NUP205: variants seen among roughly 807,000 people sequenced by gnomAD.
The protein encoded by NUP205 is nucleoporin 205, also known as nuclear pore complex protein Nup205.
In NUP205, 76 loss-of-function variants were observed where a neutral mutation model predicts 253.8. The ratio of observed to expected loss-of-function variants is 0.30; its 90% CI spans 0.25 to 0.36. NUP205 has a LOEUF of 0.36. Ranked by LOEUF, NUP205 falls within the 10% of genes least tolerant of loss-of-function variation. NUP205 has a pLI of 1.00. For missense variants in NUP205, 2,162 were observed against 2,425.5 expected, an observed-to-expected ratio of 0.89 and a Z score of 2.28; for synonymous variants, 832 against 850.1, an observed-to-expected ratio of 0.98 and a Z score of 0.37.
intron 38 of NUP205, among the ~76,000 whole-genome samples, chr7:135,641,641 G>A (rs546313212): frequency 5.3e-5 from 8 of 150,884 alleles, no homozygotes; most frequent in Middle Eastern, 3.4e-3. Context: ...GTGTGGTGGC[G>A]TGCACCTTTA....
chr7:135,633,542 C>CA (rs1247220702), intron 35 of NUP205, among the ~76,000 whole-genome samples: 1 of 152,148 alleles, frequency 6.6e-6, no homozygotes, highest in Non-Finnish European at 1.5e-5. Context: ...TTACCTCTAG[C>CA]TATATATTTA....
chr7:135,623,407 A>G (rs1185317197), intron 31 of NUP205, among the ~76,000 whole-genome samples: 1 of 152,072 alleles, frequency 6.6e-6, no homozygotes, highest in African/African-American at 2.4e-5. Flanking sequence ...TTATTTATTC[A>G]TATGTTGTGT....
rs147068109 is a variant in NUP205 at position 135,648,563 on chromosome 7, G to A, written c.*7G>A. The A allele has an allele frequency of 1.5e-5, 23 of 1,531,250 alleles. No individual in the cohort carries two copies. The African/African-American group carries it at 2.1e-4, about 14-fold the overall frequency. The allele number at this position is 1,531,250 out of a possible 1,614,324, so 94.9% of individuals were successfully genotyped here. On this transcript the variant is annotated 3_prime_UTR_variant, in exon 43 of 43. Coordinates refer to ENST00000285968, the MANE Select transcript of NUP205 (RefSeq NM_015135.3). ...GAGGATATCAAGGAACTGAGAGCCC[G>A]TGCTTATGCTCTTCTATGAGAGAGA...
At chr7:135,607,153 T>C in intron 21 of NUP205, 94 bp from the exon 22 acceptor site, 2 of 1,455,678 alleles carry the variant, frequency 1.4e-6, no homozygotes, top group Non-Finnish European at 1.9e-6. Context: ...CAGTACAGCA[T>C]ATATTTAAAG....
At chr7:135,616,566 TA>T in intron 24 of NUP205, 88 bp from the exon 25 acceptor site, 1 of 704,456 alleles carries the variant, frequency 1.4e-6, no homozygotes, top group East Asian at 3.0e-5. Flanking sequence ...GACCTAGAAA[TA>T]AGATACCTTG....
At chr7:135,618,365 A>T (rs1794402570) in intron 27 of NUP205, 47 bp from the exon 28 acceptor site, 1 of 1,484,820 alleles carries the variant, frequency 6.7e-7, no homozygotes, top group Non-Finnish European at 9.4e-7. Flanking sequence ...CAGATAACTG[A>T]TCTTATTTGC....
At chr7:135,629,818 C>T (rs1244444228) in intron 34 of NUP205, among the ~76,000 whole-genome samples, 1 of 152,140 alleles carries the variant, frequency 6.6e-6, no homozygotes, top group African/African-American at 2.4e-5. Context: ...AGCCACCATG[C>T]CTGGTTCCTA....
chr7:135,590,578 G>A (rs904094143), intron 10 of NUP205, among the ~76,000 whole-genome samples: 1 of 150,876 alleles, frequency 6.6e-6, no homozygotes, highest in Non-Finnish European at 1.5e-5. Flanking sequence ...CTGTTGCCAG[G>A]CTAGAGTGCA....
At chr7:135,603,626 C>G (rs1296178682) in intron 18 of NUP205, among the ~76,000 whole-genome samples, 2 of 151,934 alleles carry the variant, frequency 1.3e-5, no homozygotes, top group African/African-American at 4.8e-5. Context: ...TCTCCCACCT[C>G]AGCCTCCCCA....
In NUP205 at chr7:135,587,917, C is replaced by T. The variant is rs760143142; in HGVS notation, c.1398C>T (p.Pro466=). Residue 466 remains proline, a synonymous_variant, in exon 10 of 43, where the codon CCC becomes CCT. Coordinates refer to ENST00000285968, the MANE Select transcript of NUP205 (RefSeq NM_015135.3). ...AGCTTGCTCTAGAATATTGGTGTCC[C>T]ACAGAGCCTCTTCAGACTCCGACTA... ...HLELALEYWC[P]TEPLQTPTIM... 2.5e-6 allele frequency: 4 copies of T among 1,613,938 alleles called. No homozygotes were observed. The South Asian group carries it at 4.4e-5, about 18-fold the overall frequency.
intron 23 of NUP205, 65 bp from the exon 24 acceptor site, chr7:135,615,851 A>C (rs972542168): frequency 1.9e-6 from 2 of 1,064,874 alleles, no homozygotes; most frequent in African/African-American, 1.6e-5. Flanking sequence ...GAGTTACAGA[A>C]TTTAAGTCTG....
Position 135,602,918 on chromosome 7 carries a change from G to A in NUP205, c.2626G>A (p.Val876Ile). ...AAGAGAGAGTCAACTGGCTCTAATAGTCTGTCCTTTAGAACAGCTTTTGCA... is the reference window on the plus strand; with the variant it reads ...AAGAGAGAGTCAACTGGCTCTAATAATCTGTCCTTTAGAACAGCTTTTGCA... ...LLRESQLALIVCPLEQLLQGI... is the reference protein window; with the variant it reads ...LLRESQLALIICPLEQLLQGI... The change falls in exon 18 of 43, where the codon GTC becomes ATC. Residue 876 changes from valine (V) to isoleucine (I), a missense_variant. By Grantham distance (29) the Val-to-Ile change is conservative (BLOSUM62 3). Around this residue, in one of 5 missense-constraint regions of NUP205, gnomAD observed 892 missense variants for 957.1 expected, o/e 0.93. Transcript: ENST00000285968. The A allele has an allele frequency of 6.2e-7, 1 of 1,613,946 alleles. No individual in the cohort carries two copies. The highest frequency in any genetic ancestry group is 8.5e-7 in the Non-Finnish European group (1 of 1,179,900).
At chr7:135,610,992 CCTT>C (rs930357591) in intron 22 of NUP205, among the ~76,000 whole-genome samples, 30 of 150,794 alleles carry the variant, frequency 2.0e-4, no homozygotes, top group African/African-American at 7.3e-4. Flanking sequence ...CTTTTTGTGT[CCTT>C]CTCTTCTTTT....
At chr7:135,565,468 T>C (rs1805727325) in intron 1 of NUP205, among the ~76,000 whole-genome samples, 1 of 151,832 alleles carries the variant, frequency 6.6e-6, no homozygotes, top group Non-Finnish European at 1.5e-5. Context: ...GTTTCGCTAT[T>C]GTTGCCCAGG....
chr7:135,607,196 T>G, intron 21 of NUP205, 51 bp from the exon 22 acceptor site: 1 of 1,599,254 alleles, frequency 6.3e-7, no homozygotes, highest in South Asian at 1.1e-5. Flanking sequence ...TCTAAGATTT[T>G]AATGCAGCAA....
intron 38 of NUP205, among the ~76,000 whole-genome samples, chr7:135,641,864 T>A (rs138685361): frequency 1.1e-4 from 16 of 151,272 alleles, no homozygotes; most frequent in Non-Finnish European, 2.1e-4. Context: ...GTTAAGGGAG[T>A]TGATAGTGAA....
chr7:135,562,650 C>T (rs1474412353), intron 1 of NUP205, among the ~76,000 whole-genome samples: 14 of 145,044 alleles, frequency 9.7e-5, no homozygotes, highest in Admixed American at 4.4e-4. Context: ...CAAGTTCAAG[C>T]GATTCTCTTG....
At chr7:135,560,973 G>A (rs1420444006) in intron 1 of NUP205, among the ~76,000 whole-genome samples, 1 of 152,190 alleles carries the variant, frequency 6.6e-6, no homozygotes, top group African/African-American at 2.4e-5. Flanking sequence ...TATGTTATGT[G>A]CTTCCTTTAA....
chr7:135,611,891 G>A (rs1584673011), intron 22 of NUP205, among the ~76,000 whole-genome samples: 1 of 152,032 alleles, frequency 6.6e-6, no homozygotes, highest in Admixed American at 6.6e-5. Context: ...GAGGCGGGTG[G>A]ATCATGAGGT....
Sources: gnomAD v4.1 joint callset for allele counts (sites outside exome capture counted in the v4.1 genomes callset) on GRCh38, gnomAD v4.1.1 for gene constraint, gnomAD v4.1.1 regional missense constraint, MANE v1.5 for transcripts, NCBI Gene and HGNC (gene_info 2026-07-23, HGNC 2026-07-21) for gene names.